Variants in SEC61A1 observed in about 807,000 individuals in gnomAD.
The protein encoded by SEC61A1 is SEC61 translocon subunit alpha 1.
A neutral mutation model predicts 55.2 loss-of-function variants in SEC61A1; 15 were observed. The observed-to-expected ratio is 0.27, with a 90% CI of 0.18 to 0.42. The LOEUF (loss-of-function observed/expected upper bound fraction) is 0.42. Ranked by LOEUF, SEC61A1 falls within the 10% of genes least tolerant of loss-of-function variation. The pLI is 1.00. For missense variants in SEC61A1, 284 were observed against 602.6 expected (o/e 0.47, Z 5.53); for synonymous variants, 247 against 234.0 (o/e 1.06, Z -0.51).
intron 7 of SEC61A1, among the ~76,000 whole-genome samples, 187 bp downstream of exon 7, chr3:128,060,848 C>T (rs1941841039): frequency 6.6e-6 from 1 of 152,194 alleles, no homozygotes; most frequent in South Asian, 2.1e-4. Flanking sequence ...ATGATGATAC[C>T]TAACTTGCAC....
At chr3:128,063,682 C>T (rs1313669658) in intron 7 of SEC61A1, among the ~76,000 whole-genome samples, 3 of 152,156 alleles carry the variant, frequency 2.0e-5, no homozygotes, top group Non-Finnish European at 4.4e-5. Flanking sequence ...GATACCATGA[C>T]CCCACACTGC....
Position 128,067,858 on chromosome 3 carries a change from TA to T in SEC61A1, c.1168-122del. 2.5e-6 allele frequency: 2 copies of T among 815,956 alleles called. No individual in the cohort carries two copies. Among genetic ancestry groups the T allele is most frequent in the South Asian group, 3.0e-5 (2 of 66,078 alleles). The allele number at this position is 815,956 out of a possible 1,614,324, so 50.5% of individuals were successfully genotyped here. On this transcript the variant is annotated intron_variant, in intron 10 of 11. Transcript: ENST00000243253. The surrounding 1 kb of genome is among the most constrained non-coding windows in gnomAD (Gnocchi z 4.1). Reference sequence around the variant, plus strand: ...TCATATGACTTCCTTGCGGCAGTTTTAAAGTTCTCTGTATGAATATTGTCAG... The same window carrying T: ...TCATATGACTTCCTTGCGGCAGTTTTAAGTTCTCTGTATGAATATTGTCAG...
intron 6 of SEC61A1, 80 bp downstream of exon 6, chr3:128,060,291 C>T: frequency 8.6e-7 from 1 of 1,168,572 alleles, no homozygotes; most frequent in Non-Finnish European, 1.3e-6. Flanking sequence ...CTCAAGCACA[C>T]CTAAAAGGAA....
At position 128,052,509 on chromosome 3, in the gene SEC61A1, A is replaced by G. The variant is rs1176348982; in HGVS notation, c.-44A>G. 3 of 1,587,108 alleles carry G rather than the reference A, an allele frequency of 1.9e-6. No homozygotes were observed. Among genetic ancestry groups the G allele is most frequent in the South Asian group, 1.1e-5 (1 of 87,638 alleles). On this transcript the variant is annotated 5_prime_UTR_variant, in exon 1 of 12. Coordinates refer to ENST00000243253, the MANE Select transcript of SEC61A1 (RefSeq NM_013336.4). ...CGGGCAGCGTCGCCTCACGCGGAGC[A>G]GAGCTGAGCTGAAGCGGGACCCGGA...
intron 8 of SEC61A1, 24 bp from the exon 9 acceptor site, chr3:128,066,930 A>G (rs1200680171): frequency 1.2e-6 from 2 of 1,613,274 alleles, no homozygotes; most frequent in Admixed American, 3.3e-5. Context: ...AGTGAAGGGG[A>G]TTTGGTTCTG....
In SEC61A1 at chr3:128,056,636, C is replaced by G. The variant is rs987789289; in HGVS notation, c.221-73C>G. 3 of 1,339,466 alleles carry G rather than the reference C, an allele frequency of 2.2e-6. No homozygotes were observed. The East Asian group carries it at 8.0e-5, about 36-fold the overall frequency. 83.0% of individuals were successfully genotyped at this position (1,339,466 alleles called of 1,614,324 possible). A position where few individuals can be genotyped will look rare whatever the true frequency, so the allele number is the denominator to read the frequency against. On this transcript the variant is annotated intron_variant, in intron 4 of 11. Transcript: ENST00000243253. ...ATAAGGGGTACCCAGTCAAATTTTG[C>G]GTATTCATTTTTAAAATAACGTACT... is the stretch of plus-strand genomic sequence containing the variant.
intron 4 of SEC61A1, 78 bp from the exon 5 acceptor site, chr3:128,056,631 T>A: frequency 7.6e-7 from 1 of 1,317,196 alleles, no homozygotes; most frequent in Non-Finnish European, 1.0e-6. Flanking sequence ...CCCAGTCAAA[T>A]TTTGCGTATT....
chr3:128,055,875 G>C, intron 4 of SEC61A1, 124 bp downstream of exon 4: 5 of 778,810 alleles, frequency 6.4e-6, no homozygotes. Flanking sequence ...AGTGAAGAAT[G>C]TTAAAGTGCT....
intron 7 of SEC61A1, among the ~76,000 whole-genome samples, chr3:128,060,894 G>T (rs570647808): frequency 6.6e-6 from 1 of 152,276 alleles, no homozygotes; most frequent in Admixed American, 6.5e-5. Context: ...CGTTTGGCAC[G>T]TCAGAATACA....
chr3:128,056,937 A>ATTTTTTTT, intron 5 of SEC61A1, 97 bp downstream of exon 5: 1 of 850,850 alleles, frequency 1.2e-6, no homozygotes. Flanking sequence ...TTTATTTTTT[A>ATTTTTTTT]TTTTTTTTTT....
chr3:128,064,753 T>A, intron 7 of SEC61A1, 124 bp from the exon 8 acceptor site: 1 of 735,108 alleles, frequency 1.4e-6, no homozygotes, highest in South Asian at 1.9e-5. Context: ...TCCCTGTGGC[T>A]ATGGGCACCA....
Position 128,064,932 on chromosome 3 carries a change from A to G in SEC61A1, c.672A>G (p.Thr224=), listed in dbSNP as rs987226235. 3.7e-6 allele frequency: 6 copies of G among 1,614,046 alleles called. No homozygotes were observed. The highest frequency in any genetic ancestry group is 1.7e-5 in the Admixed American group (1 of 59,994). Residue 224 remains threonine (T), a synonymous_variant, in exon 8 of 12, where the codon ACA becomes ACG. Coordinates refer to ENST00000243253, the MANE Select transcript of SEC61A1 (RefSeq NM_013336.4). The stretch of plus-strand genomic sequence containing the variant: ...TTTTCCATCTGCTGGCCACACGCAC[A>G]GACAAGGTCCGAGCCCTTCGGGAGG... The part of the protein sequence containing the change: ...IALFHLLATR[T]DKVRALREAF...
In SEC61A1 at chr3:128,056,200, C is replaced by T. The variant is rs143765015; in HGVS notation, c.220+449C>T. Reference sequence around the variant, plus strand: ...GTTACTTATGGGACTGGGGAGGATTCTGAATGTGTAGGTTGATACTGCATT... The same window carrying T: ...GTTACTTATGGGACTGGGGAGGATTTTGAATGTGTAGGTTGATACTGCATT... On this transcript the variant is annotated intron_variant, in intron 4 of 11. Coordinates refer to ENST00000243253, the MANE Select transcript of SEC61A1 (RefSeq NM_013336.4). Among the ~76,000 whole-genome samples the T allele has an allele frequency of 1.8e-3, 278 of 152,196 alleles. 1 individual carries two copies. The highest frequency in any genetic ancestry group is 6.5e-3 in the African/African-American group (271 of 41,528).
In SEC61A1 at chr3:128,067,372, A is replaced by G. The variant is rs1269268776; in HGVS notation, c.976-49A>G. ...TCAGAACTATTTTTGCCTTGATGCT[A>G]AAGTAAAATGAAGGAGCACTCACAT... On this transcript the variant is annotated intron_variant, in intron 9 of 11. Coordinates refer to ENST00000243253, the MANE Select transcript of SEC61A1 (RefSeq NM_013336.4). This position sits in a 1 kb window ranked among gnomAD's most constrained non-coding sequence, Gnocchi z 4.1. The G allele has an allele frequency of 1.9e-6, 3 of 1,565,626 alleles. No individual in the cohort carries two copies. Among genetic ancestry groups the G allele is most frequent in the South Asian group, 1.2e-5 (1 of 85,010 alleles).
At chr3:128,069,035 CTG>C (rs1488467928) in intron 11 of SEC61A1, 1 of 153,922 alleles carries the variant, frequency 6.5e-6, no homozygotes, top group African/African-American at 2.4e-5. Context: ...ATTTACAGCA[CTG>C]TGCAGTAGAA....
chr3:128,052,723 C>T (rs1169659468), intron 1 of SEC61A1, 112 bp from the exon 2 acceptor site: 6 of 1,492,530 alleles, frequency 4.0e-6, no homozygotes, highest in Non-Finnish European at 5.5e-6. Flanking sequence ...GGGGTGCGGC[C>T]GGCTCCCCTG....
rs1340471877 is a variant in SEC61A1 at position 128,071,121 on chromosome 3, C to T, written c.*1459C>T. The T allele has an allele frequency of 6.6e-6, 1 of 152,360 alleles. No homozygotes were observed. The highest frequency in any genetic ancestry group is 6.5e-5 in the Admixed American group (1 of 15,284). 9.4% of individuals were successfully genotyped at this position (152,360 alleles called of 1,614,324 possible). The stretch of plus-strand genomic sequence containing the variant: ...CGCCACAGCCCGGCAGAGGGGCACA[C>T]TCTGGAGACCTTGCTGGCAGTGCTA... On this transcript the variant is annotated 3_prime_UTR_variant, in exon 12 of 12. Transcript: ENST00000243253.
chr3:128,051,686 C>T, upstream of SEC61A1: 1 of 1,441,768 alleles, frequency 6.9e-7, no homozygotes, highest in Non-Finnish European at 9.1e-7. Context: ...TCAACCTGTT[C>T]CCTCATTCCT....
At chr3:128,069,063 C>T (rs1337082548) in intron 11 of SEC61A1, 1 of 157,730 alleles carries the variant, frequency 6.3e-6, no homozygotes, top group Non-Finnish European at 1.4e-5. Flanking sequence ...ATTCAAGTCA[C>T]ATGTAGTTTT....
Sources: allele counts gnomAD v4.1 joint callset (sites outside exome capture counted in the v4.1 genomes callset), GRCh38; gene constraint gnomAD v4.1.1; non-coding constraint Gnocchi (gnomAD v3.1); transcripts MANE v1.5; gene names NCBI Gene and HGNC (gene_info 2026-07-23, HGNC 2026-07-21).